The following ADRA1A variants were observed in gnomAD, a reference collection of about 807,000 sequenced individuals.
ADRA1A encodes alpha-1A adrenergic receptor.
In ADRA1A, 31 loss-of-function variants were observed where a neutral mutation model predicts 29.6. The ratio of observed to expected loss-of-function variants is 1.05; its 90% CI spans 0.79 to 1.41. ADRA1A has a LOEUF of 1.41. ADRA1A is among the 40% of genes most tolerant of loss of function. The probability of loss-of-function intolerance (pLI) is 0.00; values close to 1 mark genes in which losing one functional copy is unlikely to be tolerated. For synonymous variants in ADRA1A, 311 were observed against 254.3 expected, an observed-to-expected ratio of 1.22 and a Z score of -2.12; for missense variants, 619 against 601.1, an observed-to-expected ratio of 1.03 and a Z score of -0.31.
intron 2 of ADRA1A, chr8:26,859,295 A>G: frequency 2.3e-6 from 2 of 886,074 alleles, no homozygotes; most frequent in Non-Finnish European, 3.1e-6. Context: ...AAAAACATAT[A>G]ACATCTCGTT....
At chr8:26,812,764 A>G (rs921981363) in intron 2 of ADRA1A, among the ~76,000 whole-genome samples, 2 of 151,690 alleles carry the variant, frequency 1.3e-5, no homozygotes, top group Admixed American at 6.6e-5. Flanking sequence ...TCCCGGGTTC[A>G]CGCCATTCTC....
At position 26,815,282 on chromosome 8, in the gene ADRA1A, G is replaced by A. The variant is rs1199419539; in HGVS notation, c.884-44616C>T. ...ATTCTAGAATACTGAAAACTATTTT[G>A]CCAGAGAACACCTAGACAGAGTGGA... On this transcript the variant is annotated intron_variant, in intron 2 of 2. Coordinates refer to ENST00000380573, the MANE Select transcript of ADRA1A (RefSeq NM_000680.4). This position sits in a 1 kb window ranked among gnomAD's most constrained non-coding sequence, Gnocchi z 4.2. Among the ~76,000 whole-genome samples, 2 of 152,142 alleles carry A rather than the reference G, an allele frequency of 1.3e-5. No homozygotes were observed. Among genetic ancestry groups the A allele is most frequent in the Admixed American group, 6.5e-5 (1 of 15,280 alleles).
rs1176012884 is a variant in ADRA1A, at chr8:26,841,928, C to CA, written c.883+22158dup. On this transcript the variant is annotated intron_variant, in intron 2 of 2. Coordinates refer to ENST00000380573, the MANE Select transcript of ADRA1A (RefSeq NM_000680.4). The surrounding 1 kb of genome is among the most constrained non-coding windows in gnomAD (Gnocchi z 4.4). ...TGCTGTGGTGAGTCTCCCACTTTTC[C>CA]AAAACGTTGTGCAAGTTCTGCTTGT... Among the ~76,000 whole-genome samples the CA allele has an allele frequency of 6.6e-6, 1 of 152,090 alleles. No individual in the cohort carries two copies. The highest frequency in any genetic ancestry group is 1.5e-5 in the Non-Finnish European group (1 of 68,032).
At position 26,867,266 on chromosome 8, in the gene ADRA1A, G is replaced by A; in HGVS notation, c.-1017C>T. 2.0e-6 allele frequency: 2 copies of A among 985,420 alleles called. No individual in the cohort carries two copies. The highest frequency in any genetic ancestry group is 2.4e-6 in the Non-Finnish European group (2 of 829,956). The allele number at this position is 985,420 out of a possible 1,614,324, so 61.0% of individuals were successfully genotyped here. On this transcript the variant is annotated 5_prime_UTR_variant, in exon 1 of 3. Coordinates refer to ENST00000380573, the MANE Select transcript of ADRA1A (RefSeq NM_000680.4). ...AATAGCAAGGAACTTTGCAGCTCTCGCTGACGTAACTCAGGCAGTAGCCCA... is the reference window on the plus strand; with the variant it reads ...AATAGCAAGGAACTTTGCAGCTCTCACTGACGTAACTCAGGCAGTAGCCCA...
chr8:26,793,088 A>G (rs1372701800), intron 2 of ADRA1A, among the ~76,000 whole-genome samples: 1 of 151,972 alleles, frequency 6.6e-6, no homozygotes, highest in African/African-American at 2.4e-5. Flanking sequence ...AGCAGACTCC[A>G]TGACATAAAG....
chr8:26,786,224 T>C (rs1471903606), intron 2 of ADRA1A, among the ~76,000 whole-genome samples: 1 of 133,926 alleles, frequency 7.5e-6, no homozygotes, highest in South Asian at 2.3e-4. Context: ...GACCTCTTTT[T>C]TATTTTTATT....
At position 26,848,764 on chromosome 8, in the gene ADRA1A, A is replaced by T. The variant is rs1812403222; in HGVS notation, c.883+15323T>A. Reference sequence around the variant, plus strand: ...ACACGTTTCACACAATCCTCTTGTGATCACAGCCACAAGGGAAAGCTCAGC... The same window carrying T: ...ACACGTTTCACACAATCCTCTTGTGTTCACAGCCACAAGGGAAAGCTCAGC... On this transcript the variant is annotated intron_variant, in intron 2 of 2. Coordinates refer to ENST00000380573, the MANE Select transcript of ADRA1A (RefSeq NM_000680.4). This position sits in a 1 kb window ranked among gnomAD's most constrained non-coding sequence, Gnocchi z 4.3. 6.6e-6 allele frequency among the ~76,000 whole-genome samples: 1 copy of T among 152,202 alleles called. No homozygotes were observed. The highest frequency in any genetic ancestry group is 2.1e-4 in the South Asian group (1 of 4,828).
At chr8:26,750,230 C>A (rs1472498116) in intron 2 of ADRA1A, among the ~76,000 whole-genome samples, 1 of 152,044 alleles carries the variant, frequency 6.6e-6, no homozygotes, top group Non-Finnish European at 1.5e-5. Flanking sequence ...GAGACAGAAT[C>A]TTGCTCTGTT....
Position 26,821,675 on chromosome 8 carries a change from A to C in ADRA1A, c.883+42412T>G, listed in dbSNP as rs967708052. On this transcript the variant is annotated intron_variant, in intron 2 of 2. Transcript: ENST00000380573. The surrounding 1 kb of genome is among the most constrained non-coding windows in gnomAD (Gnocchi z 5.6). The stretch of plus-strand genomic sequence containing the variant: ...TCACAACCAGGATATTGACAACGAT[A>C]CAGTCAAGATACAGAATAGTTCCAT... Among the ~76,000 whole-genome samples, 2 of 152,228 alleles carry C rather than the reference A, an allele frequency of 1.3e-5. No homozygotes were observed. The highest frequency in any genetic ancestry group is 4.8e-5 in the African/African-American group (2 of 41,468).
At chr8:26,751,339 A>T (rs780669780) in intron 2 of ADRA1A, among the ~76,000 whole-genome samples, 13 of 152,230 alleles carry the variant, frequency 8.5e-5, no homozygotes, top group Non-Finnish European at 1.8e-4. Context: ...AACAGAATAA[A>T]AGAGTTGTTT....
In ADRA1A at chr8:26,789,495, C is replaced by T. The variant is rs570516900; in HGVS notation, c.884-18829G>A. ...GAAACTTCTAAACTCCTATCTCTCCCCTTATATAAAAATTCACCAAAACAG... is the reference window on the plus strand; with the variant it reads ...GAAACTTCTAAACTCCTATCTCTCCTCTTATATAAAAATTCACCAAAACAG... On this transcript the variant is annotated intron_variant, in intron 2 of 2. Coordinates refer to ENST00000380573, the MANE Select transcript of ADRA1A (RefSeq NM_000680.4). Among the ~76,000 whole-genome samples, 5 of 152,208 alleles carry T rather than the reference C, an allele frequency of 3.3e-5. No homozygotes were observed. In the South Asian group the frequency reaches 1.0e-3, roughly 32 times the overall value.
chr8:26,794,109 A>C (rs1201784300), intron 2 of ADRA1A, among the ~76,000 whole-genome samples: 3 of 152,080 alleles, frequency 2.0e-5, no homozygotes, highest in Admixed American at 6.6e-5. Context: ...ATGATCAAGT[A>C]GGGCAGGAAG....
chr8:26,834,285 C>A (rs1159553356), intron 2 of ADRA1A, among the ~76,000 whole-genome samples: 2 of 152,138 alleles, frequency 1.3e-5, no homozygotes, highest in Non-Finnish European at 2.9e-5. Context: ...GTGAAGATAT[C>A]AGTTTTATCC....
rs761222420 is a variant in ADRA1A at position 26,864,133 on chromosome 8, G to A, written c.837C>T (p.Gly279=). The A allele has an allele frequency of 2.5e-6, 4 of 1,614,116 alleles. No individual in the cohort carries two copies. Among genetic ancestry groups the A allele is most frequent in the Non-Finnish European group, 3.4e-6 (4 of 1,180,044 alleles). The part of the protein sequence containing the change: ...KAAKTLGIVV[G]CFVLCWLPFF... ...AAGGCAGCCAGCAGAGGACGAAGCA[G>A]CCGACCACGATGCCCAGCGTTTTGG... The change falls in exon 2 of 3, where the codon GGC becomes GGT. Residue 279 remains glycine (G), a synonymous_variant. Coordinates refer to ENST00000380573, the MANE Select transcript of ADRA1A (RefSeq NM_000680.4). The surrounding 1 kb of genome is among the most constrained non-coding windows in gnomAD (Gnocchi z 8.1).
intron 2 of ADRA1A, among the ~76,000 whole-genome samples, chr8:26,856,876 T>C (rs1296381751): frequency 3.3e-5 from 5 of 152,330 alleles, no homozygotes; most frequent in South Asian, 2.1e-4. Context: ...ACTCAGTGCA[T>C]TGCATGAAGC....
At chr8:26,818,544 A>G (rs1188604060) in intron 2 of ADRA1A, among the ~76,000 whole-genome samples, 1 of 152,186 alleles carries the variant, frequency 6.6e-6, no homozygotes, top group Non-Finnish European at 1.5e-5. Flanking sequence ...ATCTCAAAGT[A>G]TAATACATAG....
chr8:26,761,101 A>T (rs1805483685), downstream of ADRA1A, among the ~76,000 whole-genome samples: 1 of 152,244 alleles, frequency 6.6e-6, no homozygotes. Context: ...CTAGTTGAGA[A>T]GACAGAACTT....
intron 2 of ADRA1A, among the ~76,000 whole-genome samples, chr8:26,838,869 T>C (rs1811585642): frequency 6.6e-6 from 1 of 152,136 alleles, no homozygotes; most frequent in African/African-American, 2.4e-5. Context: ...CCCCCTCAGG[T>C]AAACCACCAG....
In ADRA1A at chr8:26,787,416, T is replaced by C. The variant is rs1807477640; in HGVS notation, c.884-16750A>G. On this transcript the variant is annotated intron_variant, in intron 2 of 2. Transcript: ENST00000380573. The surrounding 1 kb of genome is among the most constrained non-coding windows in gnomAD (Gnocchi z 4.2). ...ACATGGAAAAAAAACCCACACATAC[T>C]ATATTCTGTCTGAAAAGACTTTGAC... Among the ~76,000 whole-genome samples, 1 of 152,204 alleles carries C rather than the reference T, an allele frequency of 6.6e-6. No individual in the cohort carries two copies. Among genetic ancestry groups the C allele is most frequent in the Admixed American group, 6.5e-5 (1 of 15,286 alleles).
Sources: allele counts gnomAD v4.1 joint callset (sites outside exome capture counted in the v4.1 genomes callset), GRCh38; gene constraint gnomAD v4.1.1; non-coding constraint Gnocchi (gnomAD v3.1); transcripts MANE v1.5; gene names NCBI Gene and HGNC (gene_info 2026-07-23, HGNC 2026-07-21).